The following PTPRT variants were observed in gnomAD, a reference collection of about 807,000 sequenced individuals.
PTPRT encodes the protein receptor-type tyrosine-protein phosphatase T.
PTPRT carries 56 observed loss-of-function variants against 176.8 expected under a neutral mutation model. The observed-to-expected ratio is 0.32, with a 90% CI of 0.26 to 0.40. The LOEUF (loss-of-function observed/expected upper bound fraction) is 0.40. PTPRT is among the 10% of genes least tolerant of loss of function. The pLI is 1.00. For missense variants in PTPRT, 1,540 were observed against 1,908.2 expected, an observed-to-expected ratio of 0.81 and a Z score of 3.60; for synonymous variants, 783 against 739.0, an observed-to-expected ratio of 1.06 and a Z score of -0.96.
chr20:42,794,668 T>A (rs1414524613), intron 2 of PTPRT, among the ~76,000 whole-genome samples: 1 of 152,172 alleles, frequency 6.6e-6, no homozygotes, highest in African/African-American at 2.4e-5. Flanking sequence ...GGGAATAAAC[T>A]ATTATTCAGC....
At chr20:42,297,335 A>C (rs184449979) in intron 12 of PTPRT, among the ~76,000 whole-genome samples, 178 of 152,346 alleles carry the variant, frequency 1.2e-3, no homozygotes, top group African/African-American at 4.0e-3. Flanking sequence ...TGCTAATAGC[A>C]AGAACACACA....
At chr20:42,723,972 T>C (rs1200992403) in intron 6 of PTPRT, among the ~76,000 whole-genome samples, 2 of 152,232 alleles carry the variant, frequency 1.3e-5, no homozygotes, top group East Asian at 3.9e-4. Flanking sequence ...TCTTAGTGAG[T>C]TCATATTACC....
chr20:43,008,411 G>C (rs1455337531), intron 1 of PTPRT, among the ~76,000 whole-genome samples: 1 of 152,162 alleles, frequency 6.6e-6, no homozygotes, highest in Non-Finnish European at 1.5e-5. Context: ...AAACAGACCA[G>C]GCAAGATGGC....
intron 1 of PTPRT, among the ~76,000 whole-genome samples, chr20:43,049,418 C>T (rs2146229216): frequency 6.6e-6 from 1 of 152,256 alleles, no homozygotes. Context: ...TCTACTTCAA[C>T]ATCTGAAAAA....
At chr20:43,011,868 T>G (rs1487747996) in intron 1 of PTPRT, among the ~76,000 whole-genome samples, 1 of 152,192 alleles carries the variant, frequency 6.6e-6, no homozygotes, top group Non-Finnish European at 1.5e-5. Flanking sequence ...AGGCAGAAGA[T>G]GGAAGGACTT....
intron 13 of PTPRT, among the ~76,000 whole-genome samples, chr20:42,253,859 A>T (rs1201785335): frequency 6.6e-6 from 1 of 152,154 alleles, no homozygotes; most frequent in Non-Finnish European, 1.5e-5. Flanking sequence ...CCAGTTCTCA[A>T]AGCAGCTGCT....
At chr20:42,380,732 AG>A (rs1411733767) in intron 9 of PTPRT, among the ~76,000 whole-genome samples, 1 of 152,204 alleles carries the variant, frequency 6.6e-6, no homozygotes, top group Non-Finnish European at 1.5e-5. Flanking sequence ...CCCCGACAGT[AG>A]GGTGTGTTTC....
intron 1 of PTPRT, among the ~76,000 whole-genome samples, chr20:42,944,679 T>C (rs1980768502): frequency 6.6e-6 from 1 of 152,094 alleles, no homozygotes; most frequent in African/African-American, 2.4e-5. Flanking sequence ...GAGAAGGAGG[T>C]ACCTTCTCTT....
chr20:42,062,870 C>T, the PTPRT span, among the ~76,000 whole-genome samples: 5 of 152,228 alleles, frequency 3.3e-5, no homozygotes, highest in African/African-American at 1.2e-4. Context: ...ACCAGCTGAG[C>T]TGAGCTATGC....
At chr20:42,211,158 A>G (rs1568675120) in intron 15 of PTPRT, among the ~76,000 whole-genome samples, 1 of 152,218 alleles carries the variant, frequency 6.6e-6, no homozygotes, top group Non-Finnish European at 1.5e-5. Flanking sequence ...AGATGGATTA[A>G]AGACTTAAAC....
intron 1 of PTPRT, among the ~76,000 whole-genome samples, chr20:43,041,982 T>C (rs1042930772): frequency 2.0e-5 from 3 of 152,328 alleles, no homozygotes; most frequent in Admixed American, 1.3e-4. Flanking sequence ...GATTTTTGCA[T>C]GCCTGAACTC....
chr20:42,153,198 T>C (rs1600598205), intron 17 of PTPRT, among the ~76,000 whole-genome samples: 1 of 152,256 alleles, frequency 6.6e-6, no homozygotes, highest in Non-Finnish European at 1.5e-5. Flanking sequence ...TAAAGCAGCA[T>C]CTTTATTTTC....
At chr20:42,993,533 T>C (rs1167798081) in intron 1 of PTPRT, among the ~76,000 whole-genome samples, 1 of 112,122 alleles carries the variant, frequency 8.9e-6, no homozygotes, top group Admixed American at 8.8e-5. Flanking sequence ...TATACACATA[T>C]ATGTGTGTGT....
chr20:42,756,090 A>G (rs2076827867), intron 6 of PTPRT, among the ~76,000 whole-genome samples: 1 of 152,248 alleles, frequency 6.6e-6, no homozygotes. Context: ...TTAAAAAAAA[A>G]TCCCTCAGAA....
At chr20:42,492,720 C>A (rs1476795476) in intron 7 of PTPRT, among the ~76,000 whole-genome samples, 3 of 152,002 alleles carry the variant, frequency 2.0e-5, no homozygotes, top group Non-Finnish European at 4.4e-5. Context: ...TTATTAATTT[C>A]TAAGTTTATT....
At chr20:42,940,287 T>C (rs974375295) in intron 1 of PTPRT, among the ~76,000 whole-genome samples, 1 of 152,160 alleles carries the variant, frequency 6.6e-6, no homozygotes, top group South Asian at 2.1e-4. Flanking sequence ...ACCTGAGGCA[T>C]TATGCCAGGT....
chr20:42,906,129 A>C (rs2079474862), intron 1 of PTPRT, among the ~76,000 whole-genome samples: 1 of 152,180 alleles, frequency 6.6e-6, no homozygotes, highest in Non-Finnish European at 1.5e-5. Flanking sequence ...AAGCTGCTGG[A>C]CGTCCAGAGG....
chr20:42,307,612 C>T (rs8115002), intron 12 of PTPRT, among the ~76,000 whole-genome samples: 56,129 of 151,754 alleles, frequency 0.37, 10,853 homozygotes, highest in Non-Finnish European at 0.43. Context: ...TGAACTAACA[C>T]GAGAAATAAG....
chr20:42,305,876 C>T (rs1455648741), intron 12 of PTPRT, among the ~76,000 whole-genome samples: 1 of 152,100 alleles, frequency 6.6e-6, no homozygotes, highest in Non-Finnish European at 1.5e-5. Flanking sequence ...ACTTTTTCAC[C>T]ATCTGAGGGC....
Sources: gnomAD v4.1 joint callset for allele counts (sites outside exome capture counted in the v4.1 genomes callset) on GRCh38, gnomAD v4.1.1 for gene constraint, MANE v1.5 for transcripts, NCBI Gene and HGNC (gene_info 2026-07-23, HGNC 2026-07-21) for gene names.